Variants in NEDD4L observed in about 807,000 individuals in gnomAD.
NEDD4L encodes the protein E3 ubiquitin-protein ligase NEDD4-like.
Under a neutral mutation model 148.9 loss-of-function variants are expected in NEDD4L, and 54 were observed. That is an observed-to-expected ratio of 0.36 (90% CI 0.29 to 0.45). NEDD4L has a LOEUF of 0.45. NEDD4L is among the 20% of genes least tolerant of loss of function. NEDD4L has a pLI of 1.00. For missense variants in NEDD4L, 856 were observed against 1,233.8 expected (o/e 0.69, Z 4.59); for synonymous variants, 433 against 440.7 (o/e 0.98, Z 0.22).
intron 2 of NEDD4L, among the ~76,000 whole-genome samples, chr18:58,167,553 C>T (rs2037017431): frequency 6.6e-6 from 1 of 152,184 alleles, no homozygotes; most frequent in African/African-American, 2.4e-5. Context: ...TCCCTCTTAG[C>T]TGCCACAGTA....
chr18:58,291,541 T>G (rs1232616313), intron 5 of NEDD4L, among the ~76,000 whole-genome samples: 1 of 152,224 alleles, frequency 6.6e-6, no homozygotes, highest in Non-Finnish European at 1.5e-5. Context: ...TTCTGACCCC[T>G]GAGAATAATT....
intron 11 of NEDD4L, 92 bp downstream of exon 11, chr18:58,331,006 G>C (rs2144709491): frequency 7.9e-7 from 1 of 1,271,490 alleles, no homozygotes; most frequent in African/African-American, 1.5e-5. Context: ...TAGTGACCAA[G>C]GGTCTTCCAG....
In NEDD4L at chr18:58,393,459, A is replaced by G. The variant is rs1052499266; in HGVS notation, c.2825+1900A>G. ...CTAGGAAGGGCAAAGATCCACCTAC[A>G]GGAAGGGAACAACCCAGCTGGCTCT... On this transcript the variant is annotated intron_variant, in intron 30 of 30. Transcript: ENST00000400345. Among the ~76,000 whole-genome samples the G allele has an allele frequency of 2.0e-5, 3 of 152,330 alleles. No homozygotes were observed. In the East Asian group the frequency reaches 5.8e-4, roughly 29 times the overall value.
At chr18:58,115,712 G>A (rs1430641293) in intron 1 of NEDD4L, among the ~76,000 whole-genome samples, 1 of 152,170 alleles carries the variant, frequency 6.6e-6, no homozygotes, top group Non-Finnish European at 1.5e-5. Context: ...CTTGTGTTGC[G>A]TGGCAATGCC....
intron 1 of NEDD4L, among the ~76,000 whole-genome samples, chr18:58,120,634 G>A (rs1466532275): frequency 6.6e-6 from 1 of 152,124 alleles, no homozygotes; most frequent in East Asian, 1.9e-4. Flanking sequence ...AAAAAAATTA[G>A]CCAGGCGTGG....
chr18:58,297,712 G>T (rs966805404), intron 5 of NEDD4L, among the ~76,000 whole-genome samples: 3 of 152,168 alleles, frequency 2.0e-5, no homozygotes, highest in African/African-American at 7.2e-5. Context: ...GGTATGGGGG[G>T]TTGTCCTGGA....
rs75545452 is a variant in NEDD4L, at chr18:58,354,535, C to G, written c.1709-2659C>G. Among the ~76,000 whole-genome samples the G allele has an allele frequency of 3.7e-3, 555 of 151,826 alleles. 4 individuals carry two copies. The highest frequency in any genetic ancestry group is 0.013 in the African/African-American group (521 of 41,424). On this transcript the variant is annotated intron_variant, in intron 18 of 30. Coordinates refer to ENST00000400345, the MANE Select transcript of NEDD4L (RefSeq NM_001144967.3). ...ATTCTTTATCATAACCATGTAGAAA[C>G]TTGTGTTGTTCCAAAAGCTTAGGCT...
At chr18:58,222,405 A>T (rs1475811327) in intron 2 of NEDD4L, among the ~76,000 whole-genome samples, 2 of 152,226 alleles carry the variant, frequency 1.3e-5, no homozygotes, top group Non-Finnish European at 2.9e-5. Flanking sequence ...CATGATTTAG[A>T]CTAAATTTTA....
At chr18:58,230,503 C>G (rs2045035708) in intron 2 of NEDD4L, among the ~76,000 whole-genome samples, 1 of 150,426 alleles carries the variant, frequency 6.6e-6, no homozygotes, top group African/African-American at 2.5e-5. Flanking sequence ...CCCTGTGTTT[C>G]CTACATTATA....
At chr18:58,220,303 G>A (rs112955603) in intron 2 of NEDD4L, among the ~76,000 whole-genome samples, 4,792 of 152,182 alleles carry the variant, frequency 0.031, 209 homozygotes, top group African/African-American at 0.098. Context: ...CTATTCAGGA[G>A]GCTGAGGCAC....
At chr18:58,232,325 C>T (rs1263893255) in intron 2 of NEDD4L, among the ~76,000 whole-genome samples, 1 of 152,162 alleles carries the variant, frequency 6.6e-6, no homozygotes, top group Non-Finnish European at 1.5e-5. Context: ...TTGGATTTAA[C>T]CAGGCTGAGA....
chr18:58,044,831 G>C, intron 1 of NEDD4L, 123 bp downstream of exon 1: 3 of 1,248,166 alleles, frequency 2.4e-6, no homozygotes. Context: ...GAGCCCCAAA[G>C]CGGGAGCGCC....
intron 24 of NEDD4L, among the ~76,000 whole-genome samples, chr18:58,379,110 C>T (rs922391826): frequency 2.0e-5 from 3 of 152,208 alleles, no homozygotes; most frequent in Non-Finnish European, 2.9e-5. Context: ...CCTGGGAGGG[C>T]GGGGTGTGCG....
chr18:58,273,902 G>A (rs2060670784), intron 5 of NEDD4L, among the ~76,000 whole-genome samples: 1 of 152,158 alleles, frequency 6.6e-6, no homozygotes, highest in African/African-American at 2.4e-5. Context: ...GAGCAAAGAC[G>A]GCCATGGATC....
At chr18:58,211,447 C>G (rs910448576) in intron 2 of NEDD4L, among the ~76,000 whole-genome samples, 1 of 152,090 alleles carries the variant, frequency 6.6e-6, no homozygotes, top group African/African-American at 2.4e-5. Context: ...AGCAGATAAC[C>G]TAGGAAGACA....
intron 5 of NEDD4L, among the ~76,000 whole-genome samples, chr18:58,283,323 G>T (rs1410612217): frequency 1.3e-5 from 2 of 152,078 alleles, no homozygotes; most frequent in East Asian, 1.9e-4. Flanking sequence ...TGATCCACCC[G>T]CCTCGGCCTC....
At chr18:58,282,217 T>A (rs4940661) in intron 5 of NEDD4L, among the ~76,000 whole-genome samples, 24,769 of 151,176 alleles carry the variant, frequency 0.16, 2,235 homozygotes, top group East Asian at 0.28. Context: ...TTGTTCGTTG[T>A]GTTTATGGTA....
At chr18:58,275,817 GA>G (rs1239769856) in intron 5 of NEDD4L, among the ~76,000 whole-genome samples, 1 of 152,182 alleles carries the variant, frequency 6.6e-6, no homozygotes, top group Admixed American at 6.5e-5. Flanking sequence ...TAACAAGCAG[GA>G]AGTCTGCACC....
intron 5 of NEDD4L, among the ~76,000 whole-genome samples, chr18:58,301,397 G>A (rs1423458160): frequency 5.9e-5 from 9 of 152,190 alleles, no homozygotes; most frequent in Non-Finnish European, 1.0e-4. Context: ...GTTTATAGCT[G>A]TGACTATGTA....
Sources: gnomAD v4.1 joint callset for allele counts (sites outside exome capture counted in the v4.1 genomes callset) on GRCh38, gnomAD v4.1.1 for gene constraint, MANE v1.5 for transcripts, NCBI Gene and HGNC (gene_info 2026-07-23, HGNC 2026-07-21) for gene names.